The following NTHL1 variants were observed in gnomAD, a reference collection of about 807,000 sequenced individuals.
NTHL1 encodes endonuclease III-like protein 1.
Under a neutral mutation model 32.3 loss-of-function variants are expected in NTHL1, and 32 were observed. The observed-to-expected ratio is 0.99, with a 90% CI of 0.75 to 1.33. The LOEUF (loss-of-function observed/expected upper bound fraction) is 1.33. NTHL1 is among the 40% of genes most tolerant of loss of function. The probability of loss-of-function intolerance (pLI) is 0.00; values close to 1 mark genes in which losing one functional copy is unlikely to be tolerated. For missense variants in NTHL1, 501 were observed against 414.1 expected, an observed-to-expected ratio of 1.21 and a Z score of -1.82; for synonymous variants, 188 against 176.9, an observed-to-expected ratio of 1.06 and a Z score of -0.50.
chr16:2,047,208 C>A (rs2084461138), intron 1 of NTHL1: 1 of 164,772 alleles, frequency 6.1e-6, no homozygotes, highest in African/African-American at 2.4e-5. Flanking sequence ...GAGGCCCTGT[C>A]CGTGTCCCTC....
chr16:2,042,357 C>T (rs759544800), intron 4 of NTHL1, among the ~76,000 whole-genome samples: 28 of 152,292 alleles, frequency 1.8e-4, no homozygotes, highest in Non-Finnish European at 2.6e-4. Flanking sequence ...GAGTCTCAGT[C>T]GGGAGGAGGC....
At chr16:2,040,695 G>A (rs1315151096) in intron 4 of NTHL1, among the ~76,000 whole-genome samples, 1 of 152,164 alleles carries the variant, frequency 6.6e-6, no homozygotes, top group East Asian at 1.9e-4. Context: ...GAGGTCCTAC[G>A]GATGCTGAAA....
chr16:2,041,175 G>A (rs1053052387), intron 4 of NTHL1, among the ~76,000 whole-genome samples: 2 of 152,242 alleles, frequency 1.3e-5, no homozygotes, highest in Non-Finnish European at 2.9e-5. Flanking sequence ...GGTGTCCGAG[G>A]GTGTGGGGAG....
intron 1 of NTHL1, 191 bp downstream of exon 1, chr16:2,047,518 G>GC: frequency 2.1e-6 from 2 of 972,822 alleles, no homozygotes; most frequent in Admixed American, 3.0e-5. Context: ...CCGAAACCCA[G>GC]CCCCTGCGGA....
At chr16:2,046,387 T>C (rs2084390195) in intron 1 of NTHL1, 21 bp from the exon 2 acceptor site, 1 of 1,597,154 alleles carries the variant, frequency 6.3e-7, no homozygotes, top group Non-Finnish European at 8.5e-7. Flanking sequence ...CACCACGCAG[T>C]CCCTCTGGTG....
At chr16:2,046,900 G>C in intron 1 of NTHL1, 1 of 154,894 alleles carries the variant, frequency 6.5e-6, no homozygotes, top group Admixed American at 6.3e-5. Context: ...TGAACCTGGG[G>C]GGCGGAGGTT....
chr16:2,047,483 G>T, intron 1 of NTHL1: 3 of 689,110 alleles, frequency 4.4e-6, no homozygotes, highest in Non-Finnish European at 4.7e-6. Flanking sequence ...TGCTTGGGGC[G>T]AAAGGGGGCA....
chr16:2,044,878 G>C lies in NTHL1; in HGVS notation c.355-78C>G. 1.4e-6 allele frequency: 2 copies of C among 1,462,224 alleles called. No homozygotes were observed. The highest frequency in any genetic ancestry group is 1.3e-5 in the South Asian group (1 of 75,468). 90.6% of individuals were successfully genotyped at this position (1,462,224 alleles called of 1,614,324 possible). ...TGGCCAGGCTCCGCCCCCCGCCCTC[G>C]ACACACCCTGGTTTGTTGCCCTGGG... On this transcript the variant is annotated intron_variant, in intron 2 of 5. Coordinates refer to ENST00000651570, the MANE Select transcript of NTHL1 (RefSeq NM_002528.7). The surrounding 1 kb of genome is among the most constrained non-coding windows in gnomAD (Gnocchi z 5.0).
chr16:2,041,417 C>T (rs765116118), intron 4 of NTHL1, among the ~76,000 whole-genome samples: 26 of 152,022 alleles, frequency 1.7e-4, no homozygotes, highest in Admixed American at 3.9e-4. Flanking sequence ...GAGCTGGGAC[C>T]GGAGCCAGCA....
In NTHL1 at chr16:2,043,863, C is replaced by G; in HGVS notation, c.526-137G>C. 1 of 1,050,594 alleles carries G rather than the reference C, an allele frequency of 9.5e-7. No individual in the cohort carries two copies. Among genetic ancestry groups the G allele is most frequent in the Non-Finnish European group, 1.4e-6 (1 of 713,672 alleles). 65.1% of individuals were successfully genotyped at this position (1,050,594 alleles called of 1,614,324 possible). A position where few individuals can be genotyped will look rare whatever the true frequency, so the allele number is the denominator to read the frequency against. ...CGTGTGCAAGCTCAGCCCCCGCCCC[C>G]CAGGAGGCGGGAACAAGCGGAGGGC... On this transcript the variant is annotated intron_variant, in intron 3 of 5. Coordinates refer to ENST00000651570, the MANE Select transcript of NTHL1 (RefSeq NM_002528.7). This position sits in a 1 kb window ranked among gnomAD's most constrained non-coding sequence, Gnocchi z 4.4.
chr16:2,041,820 G>T (rs2084271794), intron 4 of NTHL1, among the ~76,000 whole-genome samples: 1 of 152,102 alleles, frequency 6.6e-6, no homozygotes, highest in Non-Finnish European at 1.5e-5. Flanking sequence ...ATCTTAGCCT[G>T]GATGGTCTTG....
chr16:2,040,471 C>T, intron 4 of NTHL1: 3 of 602,388 alleles, frequency 5.0e-6, no homozygotes, highest in Non-Finnish European at 9.0e-6. Context: ...CCTGAGCCAG[C>T]CTGGGGGGCT....
rs2084297250 is a variant in NTHL1 at position 2,043,535 on chromosome 16, G to A, written c.685+32C>T. 6.2e-7 allele frequency: 1 copy of A among 1,600,542 alleles called. No individual in the cohort carries two copies. The highest frequency in any genetic ancestry group is 8.5e-7 in the Non-Finnish European group (1 of 1,179,686). ...TGGGGAATCCCAAGAGCAGCCAGTG[G>A]GCTGGAGCCAGCCCCGCCCTCCTCT... On this transcript the variant is annotated intron_variant, in intron 4 of 5. Coordinates refer to ENST00000651570, the MANE Select transcript of NTHL1 (RefSeq NM_002528.7). This position sits in a 1 kb window ranked among gnomAD's most constrained non-coding sequence, Gnocchi z 4.4.
Position 2,046,302 on chromosome 16 carries a change from A to C in NTHL1, c.180T>G (p.Tyr60Ter). Reference sequence around the variant, plus strand: ...CACCTTTCTCACTGTCCGAGCCCTCATAGGCCACACGCAGTCTCTGTGCTT... The same window carrying C: ...CACCTTTCTCACTGTCCGAGCCCTCCTAGGCCACACGCAGTCTCTGTGCTT... ...PRKAQRLRVAYEGSDSEKGEG... is the reference protein window; with the variant it reads ...PRKAQRLRVA Residue 60 changes from tyrosine to a stop codon, truncating the protein, a stop_gained, in exon 2 of 6, where the codon TAT becomes TAG. Transcript: ENST00000651570. LOFTEE classifies it high-confidence loss of function. 1.2e-6 allele frequency: 2 copies of C among 1,613,090 alleles called. No homozygotes were observed. The highest frequency in any genetic ancestry group is 1.7e-6 in the Non-Finnish European group (2 of 1,179,916).
chr16:2,040,663 G>A (rs912642157), intron 4 of NTHL1, among the ~76,000 whole-genome samples: 1 of 152,172 alleles, frequency 6.6e-6, no homozygotes, highest in East Asian at 1.9e-4. Flanking sequence ...CAGAGAGATT[G>A]GCCAGCTCAG....
chr16:2,047,573 C>T, intron 1 of NTHL1, 136 bp downstream of exon 1: 1 of 1,355,520 alleles, frequency 7.4e-7, no homozygotes, highest in Non-Finnish European at 9.7e-7. Context: ...CGCAGGGCCG[C>T]ACGTGGGAAC....
chr16:2,046,250 C>T lies in NTHL1; in HGVS notation c.232G>A (p.Val78Ile), dbSNP rs1319706073. The T allele has an allele frequency of 6.2e-7, 1 of 1,613,170 alleles. No individual in the cohort carries two copies. The highest frequency in any genetic ancestry group is 8.5e-7 in the Non-Finnish European group (1 of 1,180,014). Residue 78 changes from valine to isoleucine, a missense_variant, in exon 2 of 6, where the codon GTC (valine) becomes ATC (isoleucine). By Grantham distance (29) the Val-to-Ile change is conservative. Coordinates refer to ENST00000651570, the MANE Select transcript of NTHL1 (RefSeq NM_002528.7). ...GEGAEPLKVP[V>I]WEPQDWQQQL... ...TGCTGCCAGTCCTGGGGCTCCCAGA[C>T]TGGCACCTTGAGGGGCTCAGCCCCC...
chr16:2,041,850 T>C (rs1706921453), intron 4 of NTHL1, among the ~76,000 whole-genome samples: 1 of 151,910 alleles, frequency 6.6e-6, no homozygotes, highest in Non-Finnish European at 1.5e-5. Flanking sequence ...CCTCGTGATC[T>C]GCCTGCCTCG....
chr16:2,045,405 G>A (rs1030931713), intron 2 of NTHL1, among the ~76,000 whole-genome samples: 1 of 151,996 alleles, frequency 6.6e-6, no homozygotes, highest in African/African-American at 2.4e-5. Flanking sequence ...CTACTATTAT[G>A]ATTGCTTCGT....
Sources: gnomAD v4.1 joint callset for allele counts (sites outside exome capture counted in the v4.1 genomes callset) on GRCh38, gnomAD v4.1.1 for gene constraint, Gnocchi (gnomAD v3.1) non-coding constraint, MANE v1.5 for transcripts, NCBI Gene and HGNC (gene_info 2026-07-23, HGNC 2026-07-21) for gene names.